The following DNAH11 variants were observed in gnomAD, a reference collection of about 807,000 sequenced individuals.
DNAH11 encodes axonemal beta dynein heavy chain 11.
In DNAH11, 442 loss-of-function variants were observed where a neutral mutation model predicts 526.0. The observed-to-expected ratio is 0.84, with a 90% CI of 0.78 to 0.91. DNAH11 has a LOEUF of 0.91. DNAH11 is among the 40% of genes least tolerant of loss of function. DNAH11 has a pLI of 0.00. For missense variants in DNAH11, 6,989 were observed against 5,448.7 expected (o/e 1.28, Z -8.90); for synonymous variants, 2,461 against 1,935.9 (o/e 1.27, Z -7.12).
At chr7:21,566,264 A>C (rs1351724491) in intron 6 of DNAH11, among the ~76,000 whole-genome samples, 2 of 152,100 alleles carry the variant, frequency 1.3e-5, no homozygotes, top group African/African-American at 4.8e-5. Context: ...GCTCCTGATA[A>C]AATAATGTGG....
At chr7:21,778,762 T>G (rs1023381127) in intron 56 of DNAH11, among the ~76,000 whole-genome samples, 196 bp from the exon 57 acceptor site, 2 of 152,190 alleles carry the variant, frequency 1.3e-5, no homozygotes, top group African/African-American at 4.8e-5. Flanking sequence ...TTGGAAAATA[T>G]TATTCTGTTT....
At chr7:21,760,585 C>T (rs1233334591) in intron 54 of DNAH11, among the ~76,000 whole-genome samples, 3 of 152,200 alleles carry the variant, frequency 2.0e-5, no homozygotes, top group Admixed American at 1.3e-4. Context: ...TTTGTTGATA[C>T]GTTGGCAGAG....
chr7:21,884,580 A>C (rs1470440155), intron 76 of DNAH11, among the ~76,000 whole-genome samples, 170 bp downstream of exon 76: 1 of 152,202 alleles, frequency 6.6e-6, no homozygotes, highest in Non-Finnish European at 1.5e-5. Flanking sequence ...CCAGACCTAC[A>C]GAATCAGAAT....
chr7:21,638,356 G>A (rs745952783), intron 27 of DNAH11, among the ~76,000 whole-genome samples: 10 of 152,138 alleles, frequency 6.6e-5, no homozygotes, highest in Admixed American at 3.3e-4. Context: ...CGAAAAGGGC[G>A]AAGTTAATTA....
rs1310475923 is a variant in DNAH11, at chr7:21,647,579, A to G, written c.4945-8253A>G. On this transcript the variant is annotated intron_variant, in intron 28 of 81. Coordinates refer to ENST00000409508, the MANE Select transcript of DNAH11 (RefSeq NM_001277115.2). ...TGAGTAGCTAGGACTACAGGCGCCTACCACCACAACTGGCTAATTTTTTTT... is the reference window on the plus strand; with the variant it reads ...TGAGTAGCTAGGACTACAGGCGCCTGCCACCACAACTGGCTAATTTTTTTT... Among the ~76,000 whole-genome samples the G allele has an allele frequency of 2.6e-5, 4 of 151,918 alleles. No homozygotes were observed. In the South Asian group the frequency reaches 8.3e-4, roughly 32 times the overall value.
At position 21,715,865 on chromosome 7, in the gene DNAH11, C is replaced by T. The variant is rs937889247; in HGVS notation, c.6984-1910C>T. On this transcript the variant is annotated intron_variant, in intron 42 of 81. Coordinates refer to ENST00000409508, the MANE Select transcript of DNAH11 (RefSeq NM_001277115.2). ...GGTAATTTATCTGATTTCCCCCTCC[C>T]ACCCCCACTTTTTTTCTCTCAAGCA... is the stretch of plus-strand genomic sequence containing the variant. Among the ~76,000 whole-genome samples, 3 of 146,976 alleles carry T rather than the reference C, an allele frequency of 2.0e-5. No homozygotes were observed. The East Asian group carries it at 6.0e-4, about 30-fold the overall frequency.
chr7:21,873,805 T>TTTTTTG (rs1248903652), intron 74 of DNAH11, among the ~76,000 whole-genome samples: 1 of 144,368 alleles, frequency 6.9e-6, no homozygotes, highest in East Asian at 2.0e-4. Context: ...TTTTTTTTTT[T>TTTTTTG]TTTGAGACGG....
intron 48 of DNAH11, among the ~76,000 whole-genome samples, chr7:21,739,932 C>T (rs900431885): frequency 6.6e-6 from 1 of 152,164 alleles, no homozygotes; most frequent in Non-Finnish European, 1.5e-5. Flanking sequence ...AATGCCCCCA[C>T]TTGTTTTACC....
At chr7:21,688,809 C>T (rs180981528) in intron 34 of DNAH11, among the ~76,000 whole-genome samples, 277 of 147,410 alleles carry the variant, frequency 1.9e-3, no homozygotes, top group African/African-American at 6.6e-3. Flanking sequence ...CTGGCACTTA[C>T]GTTTGATGGC....
At chr7:21,785,915 G>T in intron 58 of DNAH11, among the ~76,000 whole-genome samples, 1 of 152,178 alleles carries the variant, frequency 6.6e-6, no homozygotes, top group East Asian at 1.9e-4. Flanking sequence ...AGTATCACAG[G>T]AAATACCTGG....
chr7:21,864,939 T>C (rs867023156), intron 70 of DNAH11, among the ~76,000 whole-genome samples: 21 of 152,350 alleles, frequency 1.4e-4, no homozygotes, highest in Admixed American at 7.2e-4. Context: ...TACAAATGAA[T>C]ATTTTTAAAA....
chr7:21,782,017 C>A (rs1032739180), intron 57 of DNAH11, among the ~76,000 whole-genome samples: 1 of 152,170 alleles, frequency 6.6e-6, no homozygotes, highest in African/African-American at 2.4e-5. Flanking sequence ...TCAGTTTAAC[C>A]TGATCACCTT....
chr7:21,618,671 T>G (rs1286516051), intron 23 of DNAH11, among the ~76,000 whole-genome samples: 3 of 152,168 alleles, frequency 2.0e-5, no homozygotes, highest in African/African-American at 7.2e-5. Context: ...AAAACTAGGT[T>G]AAATCACAGA....
At chr7:21,749,515 C>T (rs892452329) in intron 52 of DNAH11, among the ~76,000 whole-genome samples, 163 bp from the exon 53 acceptor site, 1 of 152,120 alleles carries the variant, frequency 6.6e-6, no homozygotes, top group Non-Finnish European at 1.5e-5. Context: ...ACAGTGCTGT[C>T]CCCTAGAATG....
chr7:21,690,922 T>C (rs1469610926), intron 35 of DNAH11, 41 bp downstream of exon 35: 1 of 1,423,266 alleles, frequency 7.0e-7, no homozygotes, highest in South Asian at 1.2e-5. Context: ...GGTGCACTCA[T>C]GCCACCTAAT....
intron 9 of DNAH11, among the ~76,000 whole-genome samples, chr7:21,586,022 G>A (rs540757491): frequency 5.0e-4 from 76 of 152,288 alleles, no homozygotes; most frequent in African/African-American, 1.6e-3. Flanking sequence ...CTCCTGGAGG[G>A]TGGTTTTTAT....
At chr7:21,880,384 T>A (rs1029540332) in intron 74 of DNAH11, among the ~76,000 whole-genome samples, 1 of 152,208 alleles carries the variant, frequency 6.6e-6, no homozygotes, top group Non-Finnish European at 1.5e-5. Flanking sequence ...TCATCCAGAT[T>A]CTGCGAAGAA....
chr7:21,770,639 G>A (rs919230433), intron 55 of DNAH11, among the ~76,000 whole-genome samples: 3 of 152,298 alleles, frequency 2.0e-5, no homozygotes, highest in African/African-American at 2.4e-5. Flanking sequence ...TGACACCAGA[G>A]CCCATAGTCT....
chr7:21,748,055 G>C (rs146593266), intron 51 of DNAH11, among the ~76,000 whole-genome samples: 1 of 152,224 alleles, frequency 6.6e-6, no homozygotes, highest in African/African-American at 2.4e-5. Flanking sequence ...AGGATGATTT[G>C]TCTTGGGAGC....
Sources: allele counts gnomAD v4.1 joint callset (sites outside exome capture counted in the v4.1 genomes callset), GRCh38; gene constraint gnomAD v4.1.1; transcripts MANE v1.5; gene names NCBI Gene and HGNC (gene_info 2026-07-23, HGNC 2026-07-21).